DIP2A: variants seen among roughly 807,000 people sequenced by gnomAD.
DIP2A encodes disco-interacting protein 2 homolog A.
In DIP2A, 85 loss-of-function variants were observed where a neutral mutation model predicts 177.4. That is an observed-to-expected ratio of 0.48 (90% CI 0.40 to 0.57). The LOEUF is 0.57. Among genes scored for constraint, DIP2A ranks in the 20% least tolerant of loss-of-function variants. The pLI is 0.00. For synonymous variants in DIP2A, 886 were observed against 881.8 expected, an observed-to-expected ratio of 1.00 and a Z score of -0.08; for missense variants, 1,791 against 2,100.2, an observed-to-expected ratio of 0.85 and a Z score of 2.88.
At chr21:46,514,617 C>CTTTTTTTTTTTTTTTTTTTTTTT (rs752628688) in intron 8 of DIP2A, among the ~76,000 whole-genome samples, 67 of 70,492 alleles carry the variant, frequency 9.5e-4, no homozygotes, top group African/African-American at 1.0e-3. Context: ...AACTTTTATT[C>CTTTTTTTTTTTTTTTTTTTTTTT]TTTTTTTTTT....
At chr21:46,463,969 A>G (rs2054571800) in intron 1 of DIP2A, among the ~76,000 whole-genome samples, 1 of 151,406 alleles carries the variant, frequency 6.6e-6, no homozygotes. Flanking sequence ...CGGCCTCCCA[A>G]AGTGCTGGGA....
intron 2 of DIP2A, among the ~76,000 whole-genome samples, chr21:46,487,968 A>G (rs948419231): frequency 6.6e-6 from 1 of 152,234 alleles, no homozygotes; most frequent in Non-Finnish European, 1.5e-5. Context: ...GTGACCCATT[A>G]GAAGAGGCAA....
intron 1 of DIP2A, among the ~76,000 whole-genome samples, chr21:46,469,525 G>T (rs148094859): frequency 5.3e-5 from 8 of 151,832 alleles, no homozygotes; most frequent in Non-Finnish European, 4.4e-5. Context: ...GCTCGATGAC[G>T]TACATCTAAT....
At position 46,568,256 on chromosome 21, in the gene DIP2A, T is replaced by C. The variant is rs9941896; in HGVS notation, c.*634T>C. ...GGTGTGCTGGCTGGCCACGGTGGCT[T>C]ACACCTGTAATCCCAGCACTTTGGG... is the stretch of plus-strand genomic sequence containing the variant. On this transcript the variant is annotated 3_prime_UTR_variant, in exon 38 of 38. Coordinates refer to ENST00000417564, the MANE Select transcript of DIP2A (RefSeq NM_015151.4). 19,912 of 152,204 alleles carry C rather than the reference T, an allele frequency of 0.13. 1,826 individuals carry two copies. The highest frequency in any genetic ancestry group is 0.26 in the African/African-American group (10,775 of 41,446). 9.4% of individuals were successfully genotyped at this position (152,204 alleles called of 1,614,324 possible). A position where few individuals can be genotyped will look rare whatever the true frequency, so the allele number is the denominator to read the frequency against.
the DIP2A span, among the ~76,000 whole-genome samples, chr21:46,579,562 T>G: frequency 6.6e-6 from 1 of 152,214 alleles, no homozygotes; most frequent in African/African-American, 2.4e-5. Context: ...CAATTGGAGA[T>G]CCTCCTAGCT....
In DIP2A at chr21:46,498,848, GCTGCGGC is replaced by G; in HGVS notation, c.655+17_655+23del. 6.2e-7 allele frequency: 1 copy of G among 1,601,248 alleles called. No homozygotes were observed. The highest frequency in any genetic ancestry group is 1.1e-5 in the South Asian group (1 of 89,802). ...CACCCACATAGGTCAGTAATAAGCT[GCTGCGGC>G]CCCTGTGCCAGCAGAGCGGGGTCAG... is the stretch of plus-strand genomic sequence containing the variant. On this transcript the variant is annotated intron_variant, in intron 5 of 37. Coordinates refer to ENST00000417564, the MANE Select transcript of DIP2A (RefSeq NM_015151.4). The surrounding 1 kb of genome is among the most constrained non-coding windows in gnomAD (Gnocchi z 4.3).
chr21:46,575,191 G>A, the DIP2A span, among the ~76,000 whole-genome samples: 6 of 151,976 alleles, frequency 3.9e-5, no homozygotes, highest in Non-Finnish European at 7.4e-5. Context: ...TGATCGTCTC[G>A]ATTGATGCAG....
intron 7 of DIP2A, among the ~76,000 whole-genome samples, chr21:46,510,624 A>G (rs1026182350): frequency 8.2e-6 from 1 of 122,142 alleles, no homozygotes; most frequent in Non-Finnish European, 1.6e-5. Flanking sequence ...ATAATCAAAT[A>G]ATCTTTTTTT....
chr21:46,500,326 G>T (rs180911134), intron 5 of DIP2A, among the ~76,000 whole-genome samples: 26 of 152,342 alleles, frequency 1.7e-4, no homozygotes, highest in African/African-American at 6.3e-4. Context: ...TAGGAAAACA[G>T]CCTGCTCAGA....
At chr21:46,546,817 T>C (rs1601788959) in intron 20 of DIP2A, 98 bp from the exon 21 acceptor site, 1 of 1,415,542 alleles carries the variant, frequency 7.1e-7, no homozygotes, top group Non-Finnish European at 9.7e-7. Flanking sequence ...TAGAGGCTCC[T>C]GTGCTGTTGG....
intron 8 of DIP2A, among the ~76,000 whole-genome samples, chr21:46,517,103 G>T (rs2058621070): frequency 9.6e-6 from 1 of 104,278 alleles, no homozygotes; most frequent in African/African-American, 3.8e-5. Flanking sequence ...TTGCTCTGTT[G>T]CCCACACTGG....
In DIP2A at chr21:46,511,619, G is replaced by A; in HGVS notation, c.1102+5G>A. On this transcript the variant is annotated splice_donor_5th_base_variant and intron_variant, in intron 8 of 37. Coordinates refer to ENST00000417564, the MANE Select transcript of DIP2A (RefSeq NM_015151.4). ...CCGTCTACACTCTCACCTATGGCAA[G>A]TGTTAACAGAAAGCAGTTGTGCTTC... 6.6e-7 allele frequency: 1 copy of A among 1,519,512 alleles called. No homozygotes were observed. Among genetic ancestry groups the A allele is most frequent in the Non-Finnish European group, 8.8e-7 (1 of 1,135,942 alleles). The allele number at this position is 1,519,512 out of a possible 1,614,324, so 94.1% of individuals were successfully genotyped here. A position where few individuals can be genotyped will look rare whatever the true frequency, so the allele number is the denominator to read the frequency against.
downstream of DIP2A, among the ~76,000 whole-genome samples, chr21:46,574,303 T>A (rs990175483): frequency 6.6e-6 from 1 of 151,986 alleles, no homozygotes; most frequent in Non-Finnish European, 1.5e-5. Flanking sequence ...ATAAAAACAA[T>A]GTACCAAAAC....
intron 34 of DIP2A, among the ~76,000 whole-genome samples, chr21:46,562,340 G>C (rs1242681459): frequency 6.6e-6 from 1 of 152,220 alleles, no homozygotes; most frequent in Non-Finnish European, 1.5e-5. Context: ...GAACCAGGAA[G>C]GGTTCAAAGG....
chr21:46,555,197 A>G (rs1348899831), intron 28 of DIP2A, among the ~76,000 whole-genome samples: 2 of 152,170 alleles, frequency 1.3e-5, no homozygotes, highest in Admixed American at 1.3e-4. Flanking sequence ...CCCGCCTCCT[A>G]CTGGCATGGG....
chr21:46,519,379 C>G (rs912543028), intron 8 of DIP2A, among the ~76,000 whole-genome samples: 7 of 152,170 alleles, frequency 4.6e-5, no homozygotes, highest in Admixed American at 2.6e-4. Context: ...TACCTAGCCC[C>G]TATTCAAGAT....
At chr21:46,482,577 G>C (rs2056421095) in intron 1 of DIP2A, among the ~76,000 whole-genome samples, 1 of 152,170 alleles carries the variant, frequency 6.6e-6, no homozygotes, top group South Asian at 2.1e-4. Flanking sequence ...AATGTTAACT[G>C]TCAAACAGCC....
chr21:46,462,039 C>T (rs1466100362), intron 1 of DIP2A, among the ~76,000 whole-genome samples: 1 of 152,022 alleles, frequency 6.6e-6, no homozygotes, highest in African/African-American at 2.4e-5. Flanking sequence ...CAGAGTGGGA[C>T]CTTGTCTCAA....
chr21:46,481,400 G>T (rs2056335089), intron 1 of DIP2A, among the ~76,000 whole-genome samples: 2 of 152,120 alleles, frequency 1.3e-5, no homozygotes, highest in African/African-American at 4.8e-5. Context: ...TGGTGATTAA[G>T]AATAAAGTGG....
Sources: gnomAD v4.1 joint callset for allele counts (sites outside exome capture counted in the v4.1 genomes callset) on GRCh38, gnomAD v4.1.1 for gene constraint, Gnocchi (gnomAD v3.1) non-coding constraint, MANE v1.5 for transcripts, NCBI Gene and HGNC (gene_info 2026-07-23, HGNC 2026-07-21) for gene names.